WDR11: variants seen among roughly 807,000 people sequenced by gnomAD.
The protein encoded by WDR11 is WD repeat domain 11.
Under a neutral mutation model 151.2 loss-of-function variants are expected in WDR11, and 83 were observed. The observed-to-expected ratio is 0.55, with a 90% CI of 0.46 to 0.66. The LOEUF is 0.66. WDR11 is among the 30% of genes least tolerant of loss of function. The pLI is 0.00. For synonymous variants in WDR11, 484 were observed against 533.1 expected (o/e 0.91, Z 1.27); for missense variants, 1,301 against 1,480.9 (o/e 0.88, Z 1.99).
intron 28 of WDR11, chr10:120,908,186 C>T (rs990894251): frequency 7.8e-6 from 2 of 256,054 alleles, no homozygotes; most frequent in African/African-American, 4.4e-5. Flanking sequence ...AAACTGCCAG[C>T]CTCTCAGACT....
Position 120,875,591 on chromosome 10 carries a change from G to A in WDR11, c.1556+1668G>A, listed in dbSNP as rs146008132. 1.6e-4 allele frequency among the ~76,000 whole-genome samples: 24 copies of A among 152,176 alleles called. No individual in the cohort carries two copies. The East Asian group carries it at 4.1e-3, about 26-fold the overall frequency. ...GCGATCTCAGCTCACTACAATCTCC[G>A]CCTCCTGGTTTCAGGTGATTCTTAT... On this transcript the variant is annotated intron_variant, in intron 11 of 28. Transcript: ENST00000263461.
rs1371029518 is a variant in WDR11, at chr10:120,908,735, A to G, written c.*22A>G. The stretch of plus-strand genomic sequence containing the variant: ...GTGACAGCTTAATAAATGCCAGGGA[A>G]TCTGACCTGGAAGGCAGATGGGAGG... On this transcript the variant is annotated 3_prime_UTR_variant, in exon 29 of 29. Coordinates refer to ENST00000263461, the MANE Select transcript of WDR11 (RefSeq NM_018117.12). 6.2e-7 allele frequency: 1 copy of G among 1,613,520 alleles called. No homozygotes were observed. The highest frequency in any genetic ancestry group is 8.5e-7 in the Non-Finnish European group (1 of 1,179,968).
At position 120,908,832 on chromosome 10, in the gene WDR11, C is replaced by A; in HGVS notation, c.*119C>A. On this transcript the variant is annotated 3_prime_UTR_variant, in exon 29 of 29. Coordinates refer to ENST00000263461, the MANE Select transcript of WDR11 (RefSeq NM_018117.12). ...GTACAGGGTCCTGTGAGCTGTTTGA[C>A]CACTGTTCTAAGACTATGTGTGCCC... 8.9e-7 allele frequency: 1 copy of A among 1,128,152 alleles called. No homozygotes were observed. The highest frequency in any genetic ancestry group is 1.3e-6 in the Non-Finnish European group (1 of 763,032). The allele number at this position is 1,128,152 out of a possible 1,614,324, so 69.9% of individuals were successfully genotyped here. A position where few individuals can be genotyped will look rare whatever the true frequency, so the allele number is the denominator to read the frequency against.
intron 5 of WDR11, among the ~76,000 whole-genome samples, chr10:120,864,501 G>A (rs1279587874): frequency 2.0e-5 from 3 of 152,020 alleles, no homozygotes; most frequent in Non-Finnish European, 4.4e-5. Flanking sequence ...TTACACACAA[G>A]AAAATGCTGC....
chr10:120,900,199 A>G, intron 20 of WDR11, 62 bp downstream of exon 20: 1 of 1,371,474 alleles, frequency 7.3e-7, no homozygotes, highest in Non-Finnish European at 1.0e-6. Flanking sequence ...CACCCATGAA[A>G]GTCAGCCATG....
At chr10:120,864,747 T>C (rs1183996557) in intron 5 of WDR11, among the ~76,000 whole-genome samples, 1 of 152,166 alleles carries the variant, frequency 6.6e-6, no homozygotes, top group Non-Finnish European at 1.5e-5. Flanking sequence ...GCATGCCAGC[T>C]ATTATTATAT....
At chr10:120,883,071 T>C (rs1054492901) in intron 13 of WDR11, among the ~76,000 whole-genome samples, 10 of 151,960 alleles carry the variant, frequency 6.6e-5, no homozygotes, top group Non-Finnish European at 1.2e-4. Context: ...GAGGTATATT[T>C]TTTAACTTCA....
chr10:120,853,393 G>A (rs1345362105), intron 2 of WDR11, among the ~76,000 whole-genome samples: 2 of 151,992 alleles, frequency 1.3e-5, no homozygotes, highest in East Asian at 3.9e-4. Flanking sequence ...AGCCTCCTGA[G>A]TAGCTGGGAC....
In WDR11 at chr10:120,865,111, ATGT is replaced by A; in HGVS notation, c.784_786del (p.Leu263del). ...ATACCTGCCTTCAAAAAGGAATCAC[ATGT>A]TGTTGCTCTATCCTCGAGAGATTTT... On this transcript the variant is annotated inframe_deletion, in exon 6 of 29. Transcript: ENST00000263461. 1 of 1,613,966 alleles carries A rather than the reference ATGT, an allele frequency of 6.2e-7. No homozygotes were observed. The highest frequency in any genetic ancestry group is 8.5e-7 in the Non-Finnish European group (1 of 1,179,874).
Position 120,906,038 on chromosome 10 carries a change from C to T in WDR11, c.3437+17C>T. Reference sequence around the variant, plus strand: ...GCTTCACAGGTAAACCGAGAGTTCACATGGGCTGCTCAGGCCTGCCCGTGA... The same window carrying T: ...GCTTCACAGGTAAACCGAGAGTTCATATGGGCTGCTCAGGCCTGCCCGTGA... On this transcript the variant is annotated intron_variant, in intron 27 of 28. Coordinates refer to ENST00000263461, the MANE Select transcript of WDR11 (RefSeq NM_018117.12). The T allele has an allele frequency of 6.2e-7, 1 of 1,613,046 alleles. No individual in the cohort carries two copies. The highest frequency in any genetic ancestry group is 8.5e-7 in the Non-Finnish European group (1 of 1,180,030).
chr10:120,896,159 G>A (rs866601940), intron 19 of WDR11, among the ~76,000 whole-genome samples: 3 of 152,194 alleles, frequency 2.0e-5, no homozygotes, highest in South Asian at 2.1e-4. Context: ...GATGTAGAGT[G>A]ATATCCAGGA....
intron 3 of WDR11, among the ~76,000 whole-genome samples, chr10:120,859,771 C>G (rs1034506110): frequency 1.3e-5 from 2 of 152,070 alleles, no homozygotes; most frequent in African/African-American, 2.4e-5. Flanking sequence ...TTAGGAAAGT[C>G]TGACATCTTG....
intron 11 of WDR11, among the ~76,000 whole-genome samples, chr10:120,874,175 A>ATT (rs1846648851): frequency 2.7e-5 from 1 of 36,766 alleles, no homozygotes; most frequent in Non-Finnish European, 5.4e-5. Context: ...CGGTTTTTGC[A>ATT]GTTTTTTTTT....
chr10:120,901,320 T>G (rs1408824284), intron 21 of WDR11, among the ~76,000 whole-genome samples: 1 of 152,198 alleles, frequency 6.6e-6, no homozygotes, highest in Non-Finnish European at 1.5e-5. Flanking sequence ...CTTCACCAAG[T>G]TCATGAGCAC....
chr10:120,855,669 T>C (rs1231239606), intron 2 of WDR11, among the ~76,000 whole-genome samples: 1 of 152,212 alleles, frequency 6.6e-6, no homozygotes, highest in East Asian at 1.9e-4. Flanking sequence ...TTATATATGA[T>C]GTGAAATAGG....
intron 23 of WDR11, among the ~76,000 whole-genome samples, chr10:120,903,574 A>AT (rs35354965): frequency 0.37 from 56,184 of 151,308 alleles, 10,525 homozygotes; most frequent in Admixed American, 0.44. Flanking sequence ...AAAAAGCCTG[A>AT]TCAAGATTTG....
chr10:120,890,943 T>G (rs1393213623), intron 19 of WDR11, 56 bp downstream of exon 19: 28 of 1,573,498 alleles, frequency 1.8e-5, no homozygotes, highest in Admixed American at 1.5e-4. Flanking sequence ...TGCCACAAGC[T>G]CTTGTATTTT....
At position 120,886,587 on chromosome 10, in the gene WDR11, A is replaced by G. The variant is rs368845958; in HGVS notation, c.1974-102A>G. On this transcript the variant is annotated intron_variant, in intron 15 of 28. Coordinates refer to ENST00000263461, the MANE Select transcript of WDR11 (RefSeq NM_018117.12). ...CAGACTTTTAAAAAAATAGTTTTGG[A>G]CCTCCTCTTAATGCGTCTGTACTTT... 1.8e-4 allele frequency: 250 copies of G among 1,427,266 alleles called. 4 individuals carry two copies. The East Asian group carries it at 3.3e-3, about 19-fold the overall frequency. The allele number at this position is 1,427,266 out of a possible 1,614,324, so 88.4% of individuals were successfully genotyped here.
At chr10:120,878,302 T>G (rs779092220) in intron 11 of WDR11, 51 bp from the exon 12 acceptor site, 1 of 1,410,968 alleles carries the variant, frequency 7.1e-7, no homozygotes, top group East Asian at 2.3e-5. Flanking sequence ...AAATGAACCT[T>G]TCAAATAAAA....
Sources: gnomAD v4.1 joint callset for allele counts (sites outside exome capture counted in the v4.1 genomes callset) on GRCh38, gnomAD v4.1.1 for gene constraint, MANE v1.5 for transcripts, NCBI Gene and HGNC (gene_info 2026-07-23, HGNC 2026-07-21) for gene names.